Variants in FBN2 observed in about 807,000 individuals in gnomAD.
The protein encoded by FBN2 is fibrillin-2.
FBN2 carries 105 observed loss-of-function variants against 355.6 expected under a neutral mutation model. The ratio of observed to expected loss-of-function variants is 0.30; its 90% confidence interval spans 0.25 to 0.35. FBN2 has a LOEUF of 0.35. Among genes scored for constraint, FBN2 ranks in the 10% least tolerant of loss-of-function variants. The pLI is 1.00. For missense variants in FBN2, 3,280 were observed against 3,758.7 expected, an observed-to-expected ratio of 0.87 and a Z score of 3.33; for synonymous variants, 1,350 against 1,301.2, an observed-to-expected ratio of 1.04 and a Z score of -0.81.
intron 61 of FBN2, among the ~76,000 whole-genome samples, chr5:128,272,904 C>A (rs1352949622): frequency 6.6e-6 from 1 of 151,982 alleles, no homozygotes; most frequent in African/African-American, 2.4e-5. Flanking sequence ...CTTTCAACGT[C>A]TCAACGATTT....
rs184469374 is a variant in FBN2, at chr5:128,484,540, T to C, written c.629-19619A>G. On this transcript the variant is annotated intron_variant, in intron 5 of 64. Coordinates refer to ENST00000262464, the MANE Select transcript of FBN2 (RefSeq NM_001999.4). The stretch of plus-strand genomic sequence containing the variant: ...CACAGAAGAGAATACAAATGGTTGG[T>C]AAGTATGTGAAAAGATGTGCAAACT... 2.3e-4 allele frequency among the ~76,000 whole-genome samples: 35 copies of C among 152,200 alleles called. 1 individual carries two copies. Among genetic ancestry groups the C allele is most frequent in the Admixed American group, 1.9e-3 (29 of 15,292 alleles).
In FBN2 at chr5:128,288,499, A is replaced by T. The variant is rs765863271; in HGVS notation, c.6696T>A (p.Ile2232=). 7.4e-6 allele frequency: 12 copies of T among 1,613,880 alleles called. No individual in the cohort carries two copies. Among genetic ancestry groups the T allele is most frequent in the Non-Finnish European group, 1.0e-5 (12 of 1,179,892 alleles). The part of the protein sequence containing the change: ...PCGNGTCTNV[I]GSFECNCNEG... ...CATTGCAATTGCATTCAAAACTCCC[A>T]ATAACATTGGTGCATGTACCATTTC... is the stretch of plus-strand genomic sequence containing the variant. Residue 2232 remains isoleucine, a synonymous_variant, in exon 53 of 65, where the codon ATT becomes ATA. Coordinates refer to ENST00000262464, the MANE Select transcript of FBN2 (RefSeq NM_001999.4).
chr5:128,452,711 AC>A (rs1342787794), intron 6 of FBN2, among the ~76,000 whole-genome samples: 1 of 152,196 alleles, frequency 6.6e-6, no homozygotes, highest in East Asian at 1.9e-4. Flanking sequence ...TAATTTTTTT[AC>A]ATTGAACTTG....
chr5:128,284,086 CA>C (rs905088936), intron 55 of FBN2, among the ~76,000 whole-genome samples: 11 of 152,288 alleles, frequency 7.2e-5, no homozygotes, highest in African/African-American at 2.6e-4. Context: ...CCACCTCCTT[CA>C]AATCCATTAC....
chr5:128,453,675 C>T (rs959362135), intron 6 of FBN2, among the ~76,000 whole-genome samples: 1 of 151,710 alleles, frequency 6.6e-6, no homozygotes, highest in East Asian at 1.9e-4. Context: ...TATATGCAGG[C>T]CTTTCTCTTT....
At chr5:128,471,470 C>T (rs1754858626) in intron 5 of FBN2, among the ~76,000 whole-genome samples, 3 of 152,020 alleles carry the variant, frequency 2.0e-5, no homozygotes, top group South Asian at 2.1e-4. Flanking sequence ...GATATAATTG[C>T]CTTCCTTGAG....
chr5:128,290,875 T>C lies in FBN2; in HGVS notation c.6302A>G (p.Gln2101Arg), dbSNP rs1749303821. ...DNGRRCFDTR[Q>R]SFCFTNFENG... is the part of the protein sequence containing the mutation. Reference sequence around the variant, plus strand: ...TTCAAAATTTGTGAAGCAGAAGCTCTGGCGAGTATCTAATCAAAAAAGCAA... The same window carrying C: ...TTCAAAATTTGTGAAGCAGAAGCTCCGGCGAGTATCTAATCAAAAAAGCAA... The change falls in exon 50 of 65, where the codon CAG becomes CGG. Residue 2101 changes from glutamine (Q) to arginine (R), a missense_variant. By Grantham distance (43) the Gln-to-Arg change is conservative. Around this residue, in one of 6 missense-constraint regions of FBN2, gnomAD observed 2,284 missense variants for 2,749.5 expected, o/e 0.83. Coordinates refer to ENST00000262464, the MANE Select transcript of FBN2 (RefSeq NM_001999.4). The C allele has an allele frequency of 1.9e-6, 3 of 1,613,866 alleles. No homozygotes were observed. The highest frequency in any genetic ancestry group is 2.5e-6 in the Non-Finnish European group (3 of 1,179,874).
At chr5:128,475,569 G>C (rs1336644056) in intron 5 of FBN2, among the ~76,000 whole-genome samples, 3 of 151,894 alleles carry the variant, frequency 2.0e-5, no homozygotes, top group African/African-American at 7.3e-5. Context: ...GATGTAATTG[G>C]AAAAAATATC....
In FBN2 at chr5:128,537,917, G is replaced by C. The variant is rs1287156363; in HGVS notation, c.-314C>G. ...CCCGAGCGACTCCAGGACCGTCAGC[G>C]GGCGGGGGAGGAAATTACAAAAGCC... On this transcript the variant is annotated 5_prime_UTR_variant, in exon 1 of 65. Transcript: ENST00000262464. 2.3e-6 allele frequency: 1 copy of C among 427,372 alleles called. No homozygotes were observed. Among genetic ancestry groups the C allele is most frequent in the East Asian group, 3.8e-5 (1 of 26,120 alleles). 26.5% of individuals were successfully genotyped at this position (427,372 alleles called of 1,614,324 possible). A position where few individuals can be genotyped will look rare whatever the true frequency, so the allele number is the denominator to read the frequency against.
intron 4 of FBN2, among the ~76,000 whole-genome samples, chr5:128,523,110 G>C (rs1756479124): frequency 6.6e-6 from 1 of 152,122 alleles, no homozygotes; most frequent in Non-Finnish European, 1.5e-5. Flanking sequence ...ATTTTTATTA[G>C]ACAGACTCCC....
rs765078994 is a variant in FBN2 at position 128,318,848 on chromosome 5, A to G, written c.4594+31T>C. On this transcript the variant is annotated intron_variant, in intron 35 of 64. Coordinates refer to ENST00000262464, the MANE Select transcript of FBN2 (RefSeq NM_001999.4). ...CACAGAATACTCATTTCAATGAATCAGAACACAACTTAGCTGGTAACTGAC... is the reference window on the plus strand; with the variant it reads ...CACAGAATACTCATTTCAATGAATCGGAACACAACTTAGCTGGTAACTGAC... 7.5e-6 allele frequency: 12 copies of G among 1,605,306 alleles called. No individual in the cohort carries two copies. In the African/African-American group the frequency reaches 1.6e-4, roughly 21 times the overall value.
intron 25 of FBN2, among the ~76,000 whole-genome samples, chr5:128,340,003 C>G (rs1750957117): frequency 6.6e-6 from 1 of 152,136 alleles, no homozygotes; most frequent in African/African-American, 2.4e-5. Flanking sequence ...TTTGTTTCCT[C>G]TTTTTATATA....
chr5:128,397,000 T>C (rs142485284), intron 8 of FBN2, among the ~76,000 whole-genome samples: 15 of 152,306 alleles, frequency 9.8e-5, no homozygotes, highest in African/African-American at 3.6e-4. Flanking sequence ...AGATTGCTTT[T>C]AAGCTATCAT....
At chr5:128,403,717 A>C (rs1463134632) in intron 8 of FBN2, among the ~76,000 whole-genome samples, 2 of 151,290 alleles carry the variant, frequency 1.3e-5, no homozygotes, top group Non-Finnish European at 2.9e-5. Context: ...TTTTTTTTGG[A>C]ACTGGCACAT....
At position 128,393,620 on chromosome 5, in the gene FBN2, T is replaced by C. The variant is rs76328881; in HGVS notation, c.1232-252A>G. On this transcript the variant is annotated intron_variant, in intron 9 of 64. Transcript: ENST00000262464. ...CATAAACAATCATTTACATGTGTAT[T>C]TTTATTTTATGCACCTAAGTGCAAC... Among the ~76,000 whole-genome samples, 1,332 of 152,382 alleles carry C rather than the reference T, an allele frequency of 8.7e-3. 19 individuals carry two copies. The highest frequency in any genetic ancestry group is 0.03 in the African/African-American group (1,266 of 41,594).
chr5:128,446,872 C>T (rs867418241), intron 6 of FBN2, among the ~76,000 whole-genome samples: 10 of 152,068 alleles, frequency 6.6e-5, no homozygotes, highest in Non-Finnish European at 1.0e-4. Context: ...TCAGGGACCC[C>T]GAACGGAGGG....
chr5:128,368,194 C>T (rs1007485864), intron 16 of FBN2, among the ~76,000 whole-genome samples: 2 of 151,994 alleles, frequency 1.3e-5, no homozygotes, highest in Non-Finnish European at 2.9e-5. Flanking sequence ...TTCTCAACTA[C>T]TGTTAACTTT....
At chr5:128,374,500 C>G (rs922225454) in intron 15 of FBN2, 128 bp downstream of exon 15, 29 of 1,284,312 alleles carry the variant, frequency 2.3e-5, no homozygotes, top group Non-Finnish European at 2.9e-5. Context: ...ATAATCTTTC[C>G]AAGGTTTATC....
chr5:128,492,205 A>C (rs566450828), intron 5 of FBN2, among the ~76,000 whole-genome samples: 9 of 152,176 alleles, frequency 5.9e-5, no homozygotes, highest in Non-Finnish European at 1.3e-4. Flanking sequence ...CTTCTCTCAG[A>C]ACTCTTCTTG....
Sources: allele counts gnomAD v4.1 joint callset (sites outside exome capture counted in the v4.1 genomes callset), GRCh38; gene constraint gnomAD v4.1.1; regional missense constraint gnomAD v4.1.1; transcripts MANE v1.5; gene names NCBI Gene and HGNC (gene_info 2026-07-23, HGNC 2026-07-21).